Variants in NUP153 observed in about 807,000 individuals in gnomAD.
NUP153 encodes nuclear pore complex protein Nup153.
Under a neutral mutation model 134.6 loss-of-function variants are expected in NUP153, and 27 were observed. The ratio of observed to expected loss-of-function variants is 0.20; its 90% CI spans 0.15 to 0.28. The LOEUF is 0.28. Among genes scored for constraint, NUP153 ranks in the 10% least tolerant of loss-of-function variants. NUP153 has a pLI of 1.00. For synonymous variants in NUP153, 640 were observed against 623.5 expected (o/e 1.03, Z -0.40); for missense variants, 1,821 against 1,731.3 (o/e 1.05, Z -0.92).
chr6:17,701,837 G>GGT (rs1554148701), intron 1 of NUP153, among the ~76,000 whole-genome samples: 1 of 106,644 alleles, frequency 9.4e-6, no homozygotes, highest in African/African-American at 3.6e-5. Flanking sequence ...TGTCTCGGGG[G>GGT]GGGGGGGAAA....
intron 5 of NUP153, among the ~76,000 whole-genome samples, chr6:17,673,140 G>A (rs888808204): frequency 1.8e-4 from 28 of 152,150 alleles, no homozygotes; most frequent in African/African-American, 4.3e-4. Context: ...AGGCCAACGC[G>A]GGTGAATCAC....
At chr6:17,617,943 G>T (rs1764425058) in intron 20 of NUP153, among the ~76,000 whole-genome samples, 1 of 152,124 alleles carries the variant, frequency 6.6e-6, no homozygotes, top group Non-Finnish European at 1.5e-5. Context: ...GAAGTGTCTG[G>T]ACTGGGAGAC....
intron 9 of NUP153, among the ~76,000 whole-genome samples, chr6:17,665,031 A>C (rs1403163172): frequency 1.2e-5 from 1 of 86,590 alleles, no homozygotes; most frequent in Middle Eastern, 0.011. Context: ...CCACCCCTGG[A>C]GACAGAGTGA....
intron 8 of NUP153, among the ~76,000 whole-genome samples, chr6:17,668,656 A>G (rs994326318): frequency 6.6e-6 from 1 of 151,968 alleles, no homozygotes; most frequent in African/African-American, 2.4e-5. Flanking sequence ...CAGTCTAGCC[A>G]AAACGGTGAA....
In NUP153 at chr6:17,637,335, G is replaced by C. The variant is rs144688186; in HGVS notation, c.2282C>G (p.Thr761Arg). 1,654 of 1,614,188 alleles carry C rather than the reference G, an allele frequency of 1.0e-3. 2 individuals are homozygous for C. Among genetic ancestry groups the C allele is most frequent in the Middle Eastern group, 2.8e-3 (17 of 6,062 alleles). The change falls in exon 16 of 22, where the codon ACA (threonine) becomes AGA (arginine). Residue 761 changes from threonine to arginine, a missense_variant. By Grantham distance (71) the Thr-to-Arg change is moderately conservative (BLOSUM62 -1). Coordinates refer to ENST00000262077, the MANE Select transcript of NUP153 (RefSeq NM_005124.4). ...AGTCTCAGCACTTTCCGAAACCACT[G>C]TCAATGTAAGGGCTCGCTTCACACA... ...GTCVKRALTL[T>R]VVSESAETMT...
At chr6:17,663,593 T>C (rs1767335948) in intron 9 of NUP153, among the ~76,000 whole-genome samples, 2 of 152,204 alleles carry the variant, frequency 1.3e-5, no homozygotes, top group Admixed American at 6.5e-5. Context: ...AAAATTTTAA[T>C]GTTAACTTAA....
intron 20 of NUP153, 25 bp from the exon 21 acceptor site, chr6:17,616,720 T>A (rs369720380): frequency 1.6e-5 from 25 of 1,595,176 alleles, no homozygotes; most frequent in Non-Finnish European, 2.1e-5. Context: ...GCAGAAATAC[T>A]TCATTAGGGC....
chr6:17,695,575 C>T (rs991572910), intron 1 of NUP153, among the ~76,000 whole-genome samples: 30 of 152,194 alleles, frequency 2.0e-4, no homozygotes, highest in African/African-American at 5.8e-4. Flanking sequence ...ACATAAAAGC[C>T]GACCTTCGAG....
Position 17,706,348 on chromosome 6 carries a change from C to T in NUP153, c.40G>A (p.Gly14Ser). Residue 14 changes from glycine to serine, a missense_variant, in exon 1 of 22, where the codon GGC becomes AGC. Transcript: ENST00000262077. This position sits in a 1 kb window ranked among gnomAD's most constrained non-coding sequence, Gnocchi z 5.9. ...GAGGVGGGGG[G>S]KIRTRRCHQG... ...TGGCAACGCCGCGTCCGGATCTTGCCGCCACCGCCCCCTCCGACTCCTCCG... is the reference window on the plus strand; with the variant it reads ...TGGCAACGCCGCGTCCGGATCTTGCTGCCACCGCCCCCTCCGACTCCTCCG... 6.2e-7 allele frequency: 1 copy of T among 1,613,338 alleles called. No individual in the cohort carries two copies. The highest frequency in any genetic ancestry group is 1.1e-5 in the South Asian group (1 of 91,082).
intron 14 of NUP153, among the ~76,000 whole-genome samples, chr6:17,643,292 C>T (rs1765951197): frequency 6.6e-6 from 1 of 152,120 alleles, no homozygotes; most frequent in Admixed American, 6.5e-5. Context: ...GGCAACATGA[C>T]GAAACCCCTT....
chr6:17,621,970 A>C (rs1764665434), intron 20 of NUP153, among the ~76,000 whole-genome samples: 1 of 152,154 alleles, frequency 6.6e-6, no homozygotes, highest in Admixed American at 6.5e-5. Flanking sequence ...ATATTTTTTT[A>C]AAGTTTTTCA....
chr6:17,688,079 C>G (rs984326404), intron 2 of NUP153, among the ~76,000 whole-genome samples: 1 of 151,956 alleles, frequency 6.6e-6, no homozygotes, highest in Non-Finnish European at 1.5e-5. Context: ...AGATCACACC[C>G]TGCACTCCAG....
At chr6:17,666,864 G>A (rs1767565006) in intron 8 of NUP153, among the ~76,000 whole-genome samples, 1 of 152,200 alleles carries the variant, frequency 6.6e-6, no homozygotes, top group African/African-American at 2.4e-5. Context: ...GAACAACATT[G>A]GTTTCCAGGG....
At position 17,706,696 on chromosome 6, in the gene NUP153, C is replaced by T. The variant is rs1414174969; in HGVS notation, c.-309G>A. ...TGGAGATCTCCCGCAGAGGACAGCA[C>T]GAACAGTTCCCCGCGGTGCTGAGGC... On this transcript the variant is annotated 5_prime_UTR_variant, in exon 1 of 22. In the 5' UTR this introduces an upstream ATG that the reference lacks. Transcript: ENST00000262077. This position sits in a 1 kb window ranked among gnomAD's most constrained non-coding sequence, Gnocchi z 5.9. The T allele has an allele frequency of 7.1e-6, 3 of 421,848 alleles. No individual in the cohort carries two copies. Among genetic ancestry groups the T allele is most frequent in the Non-Finnish European group, 1.3e-5 (3 of 233,868 alleles). 26.1% of individuals were successfully genotyped at this position (421,848 alleles called of 1,614,324 possible).
chr6:17,670,815 T>A (rs1189290152), intron 5 of NUP153, among the ~76,000 whole-genome samples: 1 of 152,098 alleles, frequency 6.6e-6, no homozygotes, highest in Admixed American at 6.6e-5. Flanking sequence ...AATTTTTTAT[T>A]TTTTATTTTT....
chr6:17,679,022 T>C (rs1366429512), intron 2 of NUP153, among the ~76,000 whole-genome samples: 2 of 151,044 alleles, frequency 1.3e-5, no homozygotes, highest in Non-Finnish European at 2.9e-5. Flanking sequence ...GATTATTTAG[T>C]TCCAAAGTAC....
chr6:17,618,843 G>T (rs1005247197), intron 20 of NUP153, among the ~76,000 whole-genome samples: 1 of 152,210 alleles, frequency 6.6e-6, no homozygotes, highest in Non-Finnish European at 1.5e-5. Flanking sequence ...TGGGATTACA[G>T]GCGTGAGCCA....
chr6:17,688,623 TGA>T lies in NUP153; in HGVS notation c.112-7_112-6del. ...TGTAACCCTGCTAAGAATGCCCTGT[TGA>T]GAGAAAAAACATATTATGACAGTTT... On this transcript the variant is annotated splice_region_variant and splice_polypyrimidine_tract_variant and intron_variant, in intron 1 of 21. Coordinates refer to ENST00000262077, the MANE Select transcript of NUP153 (RefSeq NM_005124.4). The T allele has an allele frequency of 1.3e-6, 2 of 1,599,754 alleles. No individual in the cohort carries two copies. Among genetic ancestry groups the T allele is most frequent in the Non-Finnish European group, 1.7e-6 (2 of 1,169,418 alleles).
chr6:17,616,808 G>C, intron 20 of NUP153, 113 bp from the exon 21 acceptor site: 1 of 1,006,418 alleles, frequency 9.9e-7, no homozygotes. Flanking sequence ...GGAGTACAGT[G>C]GCACAATCTT....
Sources: gnomAD v4.1 joint callset for allele counts (sites outside exome capture counted in the v4.1 genomes callset) on GRCh38, gnomAD v4.1.1 for gene constraint, Gnocchi (gnomAD v3.1) non-coding constraint, MANE v1.5 for transcripts, NCBI Gene and HGNC (gene_info 2026-07-23, HGNC 2026-07-21) for gene names.